The following ATL2 variants were observed in gnomAD, a reference collection of about 807,000 sequenced individuals.
ATL2 encodes atlastin GTPase 2.
In ATL2, 31 loss-of-function variants were observed where a neutral mutation model predicts 73.9. The observed-to-expected ratio is 0.42, with a 90% CI of 0.32 to 0.57. The LOEUF (loss-of-function observed/expected upper bound fraction) is 0.57. ATL2 is among the 20% of genes least tolerant of loss of function. The pLI is 0.14. For missense variants in ATL2, 738 were observed against 702.6 expected (o/e 1.05, Z -0.57); for synonymous variants, 291 against 237.5 (o/e 1.23, Z -2.07).
chr2:38,360,061 T>C (rs937262859), intron 1 of ATL2, among the ~76,000 whole-genome samples: 1 of 140,536 alleles, frequency 7.1e-6, no homozygotes, highest in African/African-American at 2.7e-5. Context: ...ACCTGGGAGG[T>C]AGAGGTTGCA....
chr2:38,377,230 G>C lies in ATL2; in HGVS notation c.31C>G (p.Gln11Glu), dbSNP rs1288688398. 9 of 1,602,836 alleles carry C rather than the reference G, an allele frequency of 5.6e-6. No homozygotes were observed. Among genetic ancestry groups the C allele is most frequent in the Non-Finnish European group, 6.0e-6 (7 of 1,175,634 alleles). The change falls in exon 1 of 13, where the codon CAG becomes GAG. Residue 11 changes from glutamine (Q) to glutamate (E), a missense_variant. Physicochemically the swap from Gln to Glu is conservative, Grantham distance 29. Coordinates refer to ENST00000378954, the MANE Select transcript of ATL2 (RefSeq NM_001135673.4). MAEGDEAARG[Q>E]QPHQGLWRRR... ...CGCCACAGCCCCTGGTGCGGTTGCT[G>C]CCCTCGCGCTGCCTCGTCCCCCTCC...
chr2:38,366,797 G>A (rs1466142280), intron 1 of ATL2, among the ~76,000 whole-genome samples: 4 of 152,056 alleles, frequency 2.6e-5, no homozygotes, highest in African/African-American at 4.8e-5. Flanking sequence ...CTTTTATAAG[G>A]TAGGTACACA....
chr2:38,326,021 T>G (rs182213772), intron 2 of ATL2, among the ~76,000 whole-genome samples: 486 of 151,708 alleles, frequency 3.2e-3, no homozygotes, highest in Non-Finnish European at 4.2e-3. Flanking sequence ...TTCAGGAGAC[T>G]GAGCTCAGGA....
intron 1 of ATL2, among the ~76,000 whole-genome samples, chr2:38,374,816 G>A (rs562955538): frequency 6.6e-6 from 1 of 152,266 alleles, no homozygotes; most frequent in South Asian, 2.1e-4. Context: ...TTTCAAGAAA[G>A]TTACTTATAC....
intron 1 of ATL2, among the ~76,000 whole-genome samples, chr2:38,366,155 C>T (rs1212687173): frequency 2.0e-5 from 3 of 150,264 alleles, no homozygotes; most frequent in Non-Finnish European, 4.4e-5. Flanking sequence ...CTCCTTTTGT[C>T]CCCTCTTAGT....
chr2:38,317,600 T>G (rs1006377448), intron 4 of ATL2, among the ~76,000 whole-genome samples: 1 of 152,224 alleles, frequency 6.6e-6, no homozygotes, highest in East Asian at 1.9e-4. Flanking sequence ...ATTAAGTAAT[T>G]ACTCTGCTTT....
intron 4 of ATL2, among the ~76,000 whole-genome samples, chr2:38,317,744 G>A (rs1212331220): frequency 6.6e-6 from 1 of 151,774 alleles, no homozygotes; most frequent in African/African-American, 2.4e-5. Context: ...CCATATTACT[G>A]TGTCTGGTAG....
intron 1 of ATL2, among the ~76,000 whole-genome samples, chr2:38,365,177 A>G (rs957119734): frequency 4.3e-5 from 6 of 139,976 alleles, no homozygotes; most frequent in Non-Finnish European, 7.4e-5. Context: ...ATACACACAC[A>G]CACACACACA....
upstream of ATL2, among the ~76,000 whole-genome samples, chr2:38,378,319 T>C (rs931264095): frequency 1.3e-5 from 2 of 152,186 alleles, no homozygotes; most frequent in Non-Finnish European, 2.9e-5. Flanking sequence ...TAGGGCATGG[T>C]GGCTCACGCC....
At chr2:38,368,251 T>G (rs114207388) in intron 1 of ATL2, among the ~76,000 whole-genome samples, 1 of 149,984 alleles carries the variant, frequency 6.7e-6, no homozygotes, top group African/African-American at 2.5e-5. Context: ...TAAGGACTTT[T>G]TTTTTTTTTT....
intron 9 of ATL2, among the ~76,000 whole-genome samples, chr2:38,301,745 C>A (rs538375759): frequency 1.4e-4 from 22 of 152,180 alleles, no homozygotes; most frequent in Non-Finnish European, 5.9e-5. Context: ...ACTTGAAAGG[C>A]CATCTAGGCC....
intron 1 of ATL2, chr2:38,376,161 T>C (rs753994204): frequency 1.3e-6 from 2 of 1,532,158 alleles, no homozygotes; most frequent in African/African-American, 1.4e-5. Flanking sequence ...AAAAACTTTA[T>C]GCCTTTCTTA....
chr2:38,318,597 G>A lies in ATL2; in HGVS notation c.541C>T (p.Gln181Ter). The A allele has an allele frequency of 6.2e-7, 1 of 1,612,544 alleles. No homozygotes were observed. The highest frequency in any genetic ancestry group is 8.5e-7 in the Non-Finnish European group (1 of 1,179,616). ...LMDTQGAFDS[Q>*]STIKDCATVF... is the part of the protein sequence containing the mutation. ...GTTGCACAGTCTTTGATAGTTGACT[G>A]GCTATCAAAGGCACCCTGGGTATCC... Residue 181 changes from glutamine (Q) to a stop codon, truncating the protein, a stop_gained, in exon 4 of 13, where the codon CAG becomes TAG. Coordinates refer to ENST00000378954, the MANE Select transcript of ATL2 (RefSeq NM_001135673.4). LOFTEE classifies it high-confidence loss of function.
intron 2 of ATL2, among the ~76,000 whole-genome samples, chr2:38,334,422 C>A (rs1194989417): frequency 6.6e-6 from 1 of 151,846 alleles, no homozygotes; most frequent in East Asian, 1.9e-4. Flanking sequence ...CTGGTCAAGG[C>A]CGGGCACGGT....
intron 1 of ATL2, among the ~76,000 whole-genome samples, chr2:38,368,639 G>A (rs1039645554): frequency 6.6e-6 from 1 of 151,978 alleles, no homozygotes; most frequent in South Asian, 2.1e-4. Context: ...ATTTATTTAA[G>A]AAAAACATGA....
chr2:38,315,386 C>G (rs1667977449), intron 4 of ATL2, 52 bp from the exon 5 acceptor site: 1 of 1,473,698 alleles, frequency 6.8e-7, no homozygotes, highest in African/African-American at 1.5e-5. Context: ...TTCTGAATAC[C>G]CAGCTTCTGT....
intron 1 of ATL2, among the ~76,000 whole-genome samples, chr2:38,346,598 G>C (rs1035089795): frequency 2.0e-5 from 3 of 152,178 alleles, no homozygotes; most frequent in Non-Finnish European, 4.4e-5. Flanking sequence ...CAGATCATCA[G>C]GCATTAGTTA....
intron 1 of ATL2, among the ~76,000 whole-genome samples, chr2:38,370,040 G>C (rs377370587): frequency 4.6e-5 from 7 of 150,616 alleles, no homozygotes; most frequent in African/African-American, 7.3e-5. Flanking sequence ...TGTAGTCCCA[G>C]GTACTCGGGA....
intron 7 of ATL2, 143 bp from the exon 8 acceptor site, chr2:38,310,590 T>C: frequency 1.8e-6 from 1 of 551,330 alleles, no homozygotes; most frequent in Non-Finnish European, 2.9e-6. Flanking sequence ...ATACAAAAAA[T>C]TATGAAGGCC....
Sources: allele counts gnomAD v4.1 joint callset (sites outside exome capture counted in the v4.1 genomes callset), GRCh38; gene constraint gnomAD v4.1.1; transcripts MANE v1.5; gene names NCBI Gene and HGNC (gene_info 2026-07-23, HGNC 2026-07-21).